Variants in STK39 observed in about 807,000 individuals in gnomAD.
The protein encoded by STK39 is serine/threonine kinase 39, also known as STE20/SPS1-related proline-alanine-rich protein kinase.
A neutral mutation model predicts 77.8 loss-of-function variants in STK39; 20 were observed. The ratio of observed to expected loss-of-function variants is 0.26; its 90% CI spans 0.18 to 0.37. The LOEUF (loss-of-function observed/expected upper bound fraction) is 0.37, where lower values mean the gene tolerates loss of function less well. STK39 is among the 10% of genes least tolerant of loss of function. STK39 has a pLI of 1.00. For missense variants in STK39, 479 were observed against 656.5 expected (o/e 0.73, Z 2.95); for synonymous variants, 246 against 234.1 (o/e 1.05, Z -0.47).
At chr2:168,045,077 C>CA (rs888813047) in intron 14 of STK39, among the ~76,000 whole-genome samples, 41 of 151,016 alleles carry the variant, frequency 2.7e-4, no homozygotes, top group East Asian at 7.8e-4. Flanking sequence ...ACAAAAAAAC[C>CA]AAAAAAAACC....
chr2:168,062,485 A>C (rs561214044), intron 14 of STK39, among the ~76,000 whole-genome samples: 1 of 152,332 alleles, frequency 6.6e-6, no homozygotes, highest in African/African-American at 2.4e-5. Flanking sequence ...AATCATACCA[A>C]GGGTTACTGT....
At chr2:168,038,002 A>T (rs1685002228) in intron 14 of STK39, among the ~76,000 whole-genome samples, 2 of 152,196 alleles carry the variant, frequency 1.3e-5, no homozygotes, top group Admixed American at 6.5e-5. Context: ...TAAAACTTAA[A>T]CTATGTAAAT....
chr2:168,228,187 T>C (rs1159596844), intron 1 of STK39, among the ~76,000 whole-genome samples: 2 of 152,230 alleles, frequency 1.3e-5, no homozygotes, highest in East Asian at 1.9e-4. Context: ...TGCTTGTCAG[T>C]GTATGCCAAA....
chr2:168,030,413 C>G (rs191619738), intron 14 of STK39, among the ~76,000 whole-genome samples: 1 of 152,104 alleles, frequency 6.6e-6, no homozygotes, highest in Admixed American at 6.5e-5. Context: ...TAAACTTTAG[C>G]CAAGAAATCA....
intron 17 of STK39, 67 bp downstream of exon 17, chr2:167,964,595 A>G (rs1361283334): frequency 8.7e-6 from 12 of 1,377,792 alleles, no homozygotes; most frequent in Non-Finnish European, 9.2e-6. Context: ...ATTAAACTAG[A>G]TTATTATTCC....
chr2:167,988,479 T>C (rs997377676), intron 16 of STK39, among the ~76,000 whole-genome samples: 19 of 152,270 alleles, frequency 1.2e-4, no homozygotes, highest in Non-Finnish European at 1.5e-4. Flanking sequence ...CTTTCAGCCA[T>C]GGTTTTTCAA....
At chr2:168,146,695 G>A (rs1688149337) in intron 5 of STK39, among the ~76,000 whole-genome samples, 1 of 152,156 alleles carries the variant, frequency 6.6e-6, no homozygotes, top group African/African-American at 2.4e-5. Context: ...AACAGCTGTT[G>A]TTCCCTCTCT....
intron 5 of STK39, among the ~76,000 whole-genome samples, chr2:168,150,657 G>A (rs566477226): frequency 6.6e-6 from 1 of 151,778 alleles, no homozygotes; most frequent in African/African-American, 2.4e-5. Flanking sequence ...TCAGGTTGGT[G>A]CAAAGGTAAT....
chr2:168,136,738 A>G (rs927446289), intron 8 of STK39, among the ~76,000 whole-genome samples: 2 of 152,224 alleles, frequency 1.3e-5, no homozygotes, highest in Admixed American at 1.3e-4. Flanking sequence ...GGGGAAGATA[A>G]GCAAATGTTG....
At chr2:168,149,717 A>C (rs1292096834) in intron 5 of STK39, among the ~76,000 whole-genome samples, 2 of 152,262 alleles carry the variant, frequency 1.3e-5, no homozygotes, top group African/African-American at 4.8e-5. Flanking sequence ...CGTTTAGCAC[A>C]CAGTGCAATT....
intron 10 of STK39, among the ~76,000 whole-genome samples, chr2:168,078,741 CAAAAAAAAAA>C (rs56865790): frequency 1.2e-5 from 1 of 86,418 alleles, no homozygotes; most frequent in Non-Finnish European, 2.6e-5. Flanking sequence ...TCCATCTGTC[CAAAAAAAAAA>C]AAAAAAAAGG....
intron 14 of STK39, among the ~76,000 whole-genome samples, chr2:168,017,377 ATTTT>A (rs386391743): frequency 1.4e-3 from 132 of 93,582 alleles, no homozygotes; most frequent in Non-Finnish European, 2.0e-3. Flanking sequence ...GGAAACCTTA[ATTTT>A]TTTTTTTTTT....
chr2:168,045,941 C>A (rs1306955311), intron 14 of STK39, among the ~76,000 whole-genome samples: 2 of 152,076 alleles, frequency 1.3e-5, no homozygotes, highest in African/African-American at 4.8e-5. Flanking sequence ...CAGGAGTCCC[C>A]CAGAGAGGCA....
intron 14 of STK39, among the ~76,000 whole-genome samples, chr2:168,056,355 T>C (rs924659174): frequency 3.3e-5 from 5 of 151,894 alleles, no homozygotes; most frequent in Non-Finnish European, 7.4e-5. Flanking sequence ...GGGAGGGGCG[T>C]GCAGTGAGGA....
At chr2:168,145,731 G>A (rs550474092) in intron 5 of STK39, among the ~76,000 whole-genome samples, 1 of 152,134 alleles carries the variant, frequency 6.6e-6, no homozygotes. Flanking sequence ...CAACCTAGGT[G>A]GTCAGCTGGC....
chr2:168,211,388 T>C (rs1403234452), intron 1 of STK39, among the ~76,000 whole-genome samples: 1 of 152,202 alleles, frequency 6.6e-6, no homozygotes, highest in African/African-American at 2.4e-5. Flanking sequence ...TCAGCACACA[T>C]TCATCAGGTA....
At chr2:168,183,920 G>A (rs1689143873) in intron 1 of STK39, among the ~76,000 whole-genome samples, 1 of 152,132 alleles carries the variant, frequency 6.6e-6, no homozygotes, top group Admixed American at 6.5e-5. Flanking sequence ...TATCACTGAA[G>A]GGAGCCACAG....
chr2:167,965,428 T>C (rs541794428), intron 16 of STK39, among the ~76,000 whole-genome samples: 38 of 152,298 alleles, frequency 2.5e-4, no homozygotes, highest in African/African-American at 7.7e-4. Context: ...GCTGGATTCA[T>C]TGGAGATCTG....
intron 16 of STK39, among the ~76,000 whole-genome samples, chr2:167,979,729 C>T (rs1559042325): frequency 1.3e-5 from 2 of 152,166 alleles, no homozygotes; most frequent in Admixed American, 1.3e-4. Flanking sequence ...TGTGCTAGAG[C>T]TTTTTGTACA....
Sources: gnomAD v4.1 joint callset for allele counts (sites outside exome capture counted in the v4.1 genomes callset) on GRCh38, gnomAD v4.1.1 for gene constraint, MANE v1.5 for transcripts, NCBI Gene and HGNC (gene_info 2026-07-23, HGNC 2026-07-21) for gene names.